The following GAPDHS variants were observed in gnomAD, a reference collection of about 807,000 sequenced individuals.
GAPDHS encodes glyceraldehyde-3-phosphate dehydrogenase, spermatogenic.
Under a neutral mutation model 48.7 loss-of-function variants are expected in GAPDHS, and 42 were observed. The observed-to-expected ratio is 0.86, with a 90% CI of 0.67 to 1.12. GAPDHS has a LOEUF of 1.12. Among genes scored for constraint, GAPDHS ranks in the 50% most tolerant of loss-of-function variants. The pLI, the probability that GAPDHS is intolerant of heterozygous loss-of-function variation, is 0.00. For missense variants in GAPDHS, 512 were observed against 557.7 expected (o/e 0.92, Z 0.82); for synonymous variants, 166 against 219.1 (o/e 0.76, Z 2.14).
chr19:35,542,675 C>A, intron 6 of GAPDHS, 67 bp downstream of exon 6: 2 of 1,080,116 alleles, frequency 1.9e-6, no homozygotes, highest in South Asian at 2.6e-5. Flanking sequence ...CCACCCTCAG[C>A]CCCACTGGAT....
Position 35,536,826 on chromosome 19 carries a change from G to A in GAPDHS, c.81G>A (p.Pro27=), listed in dbSNP as rs780725754. 34 of 1,610,314 alleles carry A rather than the reference G, an allele frequency of 2.1e-5. No individual in the cohort carries two copies. The East Asian group carries it at 4.0e-4, about 19-fold the overall frequency. ...LRQPCPVTRA[P]PPPEPKAEVE... Reference sequence around the variant, plus strand: ...TCCCCCGCATAGTGACCAGAGCACCGCCCCCACCTGAGCCTAAGGCTGAAG... The same window carrying A: ...TCCCCCGCATAGTGACCAGAGCACCACCCCCACCTGAGCCTAAGGCTGAAG... Residue 27 remains proline (P), a synonymous_variant, in exon 2 of 11, where the codon CCG becomes CCA. Transcript: ENST00000222286.
Position 35,545,304 on chromosome 19 carries a change from A to C in GAPDHS, c.*134A>C. 1.3e-6 allele frequency: 1 copy of C among 757,004 alleles called. No homozygotes were observed. The highest frequency in any genetic ancestry group is 2.4e-6 in the Non-Finnish European group (1 of 424,300). 46.9% of individuals were successfully genotyped at this position (757,004 alleles called of 1,614,324 possible). A position where few individuals can be genotyped will look rare whatever the true frequency, so the allele number is the denominator to read the frequency against. ...ACGCCGATGGGTCCATGGTGAAATA[A>C]AAAACAGTGCTCACGGCTGCGTCCC... On this transcript the variant is annotated 3_prime_UTR_variant, in exon 11 of 11. Coordinates refer to ENST00000222286, the MANE Select transcript of GAPDHS (RefSeq NM_014364.5).
chr19:35,533,614 G>A lies in GAPDHS; in HGVS notation c.67+20G>A. 6.3e-7 allele frequency: 1 copy of A among 1,596,898 alleles called. No individual in the cohort carries two copies. Among genetic ancestry groups the A allele is most frequent in the East Asian group, 2.2e-5 (1 of 44,788 alleles). On this transcript the variant is annotated intron_variant, in intron 1 of 10. Transcript: ENST00000222286. ...GCCCGGGTGAGGGAGGCAGCGGAGGGCGCGGGGGAGGGGTGGAAAGGGTAG... is the reference window on the plus strand; with the variant it reads ...GCCCGGGTGAGGGAGGCAGCGGAGGACGCGGGGGAGGGGTGGAAAGGGTAG...
Sources: allele counts gnomAD v4.1 joint callset, GRCh38; gene constraint gnomAD v4.1.1; transcripts MANE v1.5; gene names NCBI Gene and HGNC (gene_info 2026-07-23, HGNC 2026-07-21).